Variants in VSIR observed in about 807,000 individuals in gnomAD.
The protein encoded by VSIR is V-set immunoregulatory receptor.
A neutral mutation model predicts 31.0 loss-of-function variants in VSIR; 10 were observed. The observed-to-expected ratio is 0.32, with a 90% CI of 0.20 to 0.55. The LOEUF (loss-of-function observed/expected upper bound fraction) is 0.55. Among genes scored for constraint, VSIR ranks in the 20% least tolerant of loss-of-function variants. The probability of loss-of-function intolerance (pLI) is 0.93; values close to 1 mark genes in which losing one functional copy is unlikely to be tolerated. For missense variants in VSIR, 356 were observed against 416.2 expected (o/e 0.86, Z 1.26); for synonymous variants, 179 against 180.1 (o/e 0.99, Z 0.05).
intron 1 of VSIR, among the ~76,000 whole-genome samples, chr10:71,771,173 G>A (rs1840675422): frequency 6.6e-6 from 1 of 152,182 alleles, no homozygotes; most frequent in African/African-American, 2.4e-5. Context: ...TCCTGGGAAT[G>A]TCTGTGGGGA....
chr10:71,755,394 A>T lies in VSIR; in HGVS notation c.641T>A (p.Leu214Gln), dbSNP rs1466744090. 6.2e-7 allele frequency: 1 copy of T among 1,613,386 alleles called. No homozygotes were observed. The highest frequency in any genetic ancestry group is 1.7e-5 in the Admixed American group (1 of 59,968). The stretch of plus-strand genomic sequence containing the variant: ...GGCTGCCTGCCTTTGCTTGTAGACC[A>T]GGAGCAGGATGAGGGGGAGGCAGAG... ...GILCLPLILL[L>Q]VYKQRQAASN... Residue 214 changes from leucine (L) to glutamine (Q), a missense_variant, in exon 4 of 7, where the codon CTG becomes CAG. By Grantham distance (113) the Leu-to-Gln change is moderately radical (BLOSUM62 -2). Coordinates refer to ENST00000394957, the MANE Select transcript of VSIR (RefSeq NM_022153.2).
intron 1 of VSIR, among the ~76,000 whole-genome samples, chr10:71,768,102 T>C (rs1336476464): frequency 6.6e-6 from 1 of 152,220 alleles, no homozygotes; most frequent in African/African-American, 2.4e-5. Context: ...CAAGTCTTTT[T>C]GCCCCCTACT....
intron 4 of VSIR, 23 bp downstream of exon 4, chr10:71,755,336 C>T (rs760439224): frequency 6.3e-7 from 1 of 1,599,740 alleles, no homozygotes; most frequent in South Asian, 1.1e-5. Flanking sequence ...GTCCACCCAC[C>T]CCAGGCAGGG....
chr10:71,762,969 A>G (rs150363205), intron 1 of VSIR, among the ~76,000 whole-genome samples: 2 of 152,304 alleles, frequency 1.3e-5, no homozygotes, highest in African/African-American at 4.8e-5. Flanking sequence ...AGCTTTTGAA[A>G]ACAGAATATT....
chr10:71,771,047 A>G (rs1840672577), intron 1 of VSIR, among the ~76,000 whole-genome samples: 1 of 152,176 alleles, frequency 6.6e-6, no homozygotes, highest in Non-Finnish European at 1.5e-5. Context: ...TTTGCTATGA[A>G]GGAGAAGATG....
chr10:71,759,047 T>C (rs1303388897), intron 3 of VSIR, among the ~76,000 whole-genome samples: 1 of 146,780 alleles, frequency 6.8e-6, no homozygotes, highest in Non-Finnish European at 1.5e-5. Context: ...TTTTGGGTTG[T>C]TTTTTTTTTG....
intron 3 of VSIR, among the ~76,000 whole-genome samples, chr10:71,759,948 T>TATATATACACACACAC (rs1840278731): frequency 1.6e-5 from 1 of 63,292 alleles, no homozygotes. Context: ...CACACACACA[T>TATATATACACACACAC]ATATATACAC....
chr10:71,763,886 C>G (rs978350818), intron 1 of VSIR, among the ~76,000 whole-genome samples: 1 of 152,126 alleles, frequency 6.6e-6, no homozygotes, highest in Non-Finnish European at 1.5e-5. Context: ...TGACTGATAA[C>G]AACTTGTGAT....
At chr10:71,772,995 G>A (rs1840721007) in intron 1 of VSIR, among the ~76,000 whole-genome samples, 1 of 152,212 alleles carries the variant, frequency 6.6e-6, no homozygotes, top group Non-Finnish European at 1.5e-5. Flanking sequence ...AAAAGCCAGT[G>A]ATATCCACCA....
chr10:71,762,593 C>T (rs990715711), intron 1 of VSIR, among the ~76,000 whole-genome samples: 2 of 152,270 alleles, frequency 1.3e-5, no homozygotes, highest in Admixed American at 1.3e-4. Context: ...AGCAGAACCC[C>T]ATGGCAAAGG....
At chr10:71,771,964 C>T (rs1009276798) in intron 1 of VSIR, among the ~76,000 whole-genome samples, 7 of 152,232 alleles carry the variant, frequency 4.6e-5, no homozygotes, top group Admixed American at 2.6e-4. Flanking sequence ...GAGGGCAGTG[C>T]AGGGCAGGTG....
chr10:71,754,481 G>A (rs1423024945), intron 4 of VSIR, among the ~76,000 whole-genome samples: 2 of 152,148 alleles, frequency 1.3e-5, no homozygotes, highest in African/African-American at 4.8e-5. Context: ...AGGGAGGGGA[G>A]GCAAGGGTAA....
chr10:71,761,456 C>T, intron 2 of VSIR, 142 bp downstream of exon 2: 1 of 1,013,680 alleles, frequency 9.9e-7, no homozygotes. Flanking sequence ...CTTGACCACC[C>T]CATCTCACCC....
chr10:71,763,698 C>T (rs368912248), intron 1 of VSIR, among the ~76,000 whole-genome samples: 6 of 152,186 alleles, frequency 3.9e-5, no homozygotes, highest in Admixed American at 2.0e-4. Flanking sequence ...GTTGAGGCAA[C>T]GGTTAGTAAT....
At position 71,760,229 on chromosome 10, in the gene VSIR, A is replaced by ATATATGTGTGTATATATG. The variant is rs1296618182; in HGVS notation, c.568+638_568+639insCATATATACACACATATA. Among the ~76,000 whole-genome samples the ATATATGTGTGTATATATG allele has an allele frequency of 5.8e-3, 274 of 47,338 alleles. 84 individuals are homozygous for ATATATGTGTGTATATATG. The highest frequency in any genetic ancestry group is 0.018 in the African/African-American group (254 of 13,876). 31.1% of individuals were successfully genotyped at this position (47,338 alleles called of 152,430 possible). A position where few individuals can be genotyped will look rare whatever the true frequency, so the allele number is the denominator to read the frequency against. ...TATGTGTGTATATATGTGTATATAT[A>ATATATGTGTGTATATATG]TGTATATACATATATATGTATGTAT... On this transcript the variant is annotated intron_variant, in intron 3 of 6. Transcript: ENST00000394957.
chr10:71,762,008 T>G lies in VSIR; in HGVS notation c.101A>C (p.Lys34Thr). Residue 34 changes from lysine to threonine, a missense_variant, in exon 2 of 7, where the codon AAG (lysine) becomes ACG (threonine). Physicochemically the swap from Lys to Thr is moderately conservative, Grantham distance 78. Transcript: ENST00000394957. The part of the protein sequence containing the change: ...AASLGPVAAF[K>T]VATPYSLYVC... ...ATACAGGGAATACGGCGTGGCGACC[T>G]TGAAGGCTGCCACCGGACCTGCTCA... is the stretch of plus-strand genomic sequence containing the variant. The G allele has an allele frequency of 5.0e-6, 8 of 1,605,574 alleles. No homozygotes were observed. Among genetic ancestry groups the G allele is most frequent in the Non-Finnish European group, 6.0e-6 (7 of 1,175,030 alleles).
At chr10:71,755,226 G>T in intron 4 of VSIR, 133 bp downstream of exon 4, 1 of 877,284 alleles carries the variant, frequency 1.1e-6, no homozygotes, top group Non-Finnish European at 1.8e-6. Flanking sequence ...GGCGGGAAGT[G>T]CAGCTGCTCC....
In VSIR at chr10:71,750,946, A is replaced by T; in HGVS notation, c.*307T>A. 1 of 330,750 alleles carries T rather than the reference A, an allele frequency of 3.0e-6. No homozygotes were observed. Among genetic ancestry groups the T allele is most frequent in the Non-Finnish European group, 5.5e-6 (1 of 180,588 alleles). 20.5% of individuals were successfully genotyped at this position (330,750 alleles called of 1,614,324 possible). On this transcript the variant is annotated 3_prime_UTR_variant, in exon 7 of 7. Coordinates refer to ENST00000394957, the MANE Select transcript of VSIR (RefSeq NM_022153.2). ...CATGTCTCAGAACGAGAGCTGCTGA[A>T]GGGCTGGACGTTCTGAGACTTCTTA...
intron 3 of VSIR, among the ~76,000 whole-genome samples, chr10:71,758,334 G>A (rs907965867): frequency 6.6e-6 from 1 of 152,198 alleles, no homozygotes; most frequent in Admixed American, 6.5e-5. Context: ...TGTATCTCCA[G>A]GGCCTAGCAG....
Sources: allele counts gnomAD v4.1 joint callset (sites outside exome capture counted in the v4.1 genomes callset), GRCh38; gene constraint gnomAD v4.1.1; transcripts MANE v1.5; gene names NCBI Gene and HGNC (gene_info 2026-07-23, HGNC 2026-07-21).